Variants in CDK14 observed in about 807,000 individuals in gnomAD.
CDK14 encodes the protein cyclin-dependent kinase 14.
Under a neutral mutation model 60.7 loss-of-function variants are expected in CDK14, and 34 were observed. That is an observed-to-expected ratio of 0.56 (90% CI 0.43 to 0.75). The LOEUF (loss-of-function observed/expected upper bound fraction) is 0.75. Ranked by LOEUF, CDK14 falls within the 30% of genes least tolerant of loss-of-function variation. The pLI is 0.00. For missense variants in CDK14, 482 were observed against 564.1 expected (o/e 0.85, Z 1.47); for synonymous variants, 197 against 203.7 (o/e 0.97, Z 0.28).
chr7:90,834,403 A>T (rs1004631377), intron 5 of CDK14, among the ~76,000 whole-genome samples: 2 of 152,190 alleles, frequency 1.3e-5, no homozygotes, highest in Non-Finnish European at 2.9e-5. Flanking sequence ...TAAGGCTGGA[A>T]GCTGATGTGT....
intron 5 of CDK14, among the ~76,000 whole-genome samples, chr7:90,833,532 A>G (rs1375960763): frequency 6.6e-6 from 1 of 152,208 alleles, no homozygotes; most frequent in African/African-American, 2.4e-5. Context: ...AATGAAAATG[A>G]GAACAAATGG....
At chr7:91,080,666 G>T (rs1798460968) in intron 12 of CDK14, among the ~76,000 whole-genome samples, 1 of 152,134 alleles carries the variant, frequency 6.6e-6, no homozygotes, top group South Asian at 2.1e-4. Context: ...ACAGTATACA[G>T]TTCCTACCTT....
At chr7:90,800,159 T>G (rs906457777) in intron 5 of CDK14, among the ~76,000 whole-genome samples, 2 of 152,152 alleles carry the variant, frequency 1.3e-5, no homozygotes, top group African/African-American at 4.8e-5. Flanking sequence ...TTCTCCACCC[T>G]TCTTTATGTA....
intron 10 of CDK14, among the ~76,000 whole-genome samples, chr7:91,021,054 C>T (rs76875921): frequency 0.042 from 6,379 of 152,264 alleles, 434 homozygotes; most frequent in African/African-American, 0.14. Context: ...TCATACAGCA[C>T]GGCAACTTGC....
chr7:91,033,379 G>C (rs1487561459), intron 10 of CDK14, among the ~76,000 whole-genome samples: 1 of 152,114 alleles, frequency 6.6e-6, no homozygotes, highest in Non-Finnish European at 1.5e-5. Flanking sequence ...TCTTACATAG[G>C]CACTCCAGAT....
At chr7:91,062,451 C>T (rs1234308913) in intron 11 of CDK14, among the ~76,000 whole-genome samples, 1 of 152,020 alleles carries the variant, frequency 6.6e-6, no homozygotes, top group African/African-American at 2.4e-5. Flanking sequence ...AACCTGGTAC[C>T]TCAGTTGGAA....
intron 2 of CDK14, chr7:90,692,521 C>T (rs3937418): frequency 0.4 from 62,490 of 156,162 alleles, 13,074 homozygotes; most frequent in East Asian, 0.67. Flanking sequence ...TACTGTACAC[C>T]GATATCCCTT....
At chr7:90,846,776 A>G (rs1790483384) in intron 5 of CDK14, among the ~76,000 whole-genome samples, 1 of 152,094 alleles carries the variant, frequency 6.6e-6, no homozygotes, top group Non-Finnish European at 1.5e-5. Flanking sequence ...GGAAAGGATG[A>G]AAATCACCTG....
chr7:90,863,361 A>G (rs1392853105), intron 6 of CDK14, 92 bp downstream of exon 6: 1 of 642,758 alleles, frequency 1.6e-6, no homozygotes, highest in Non-Finnish European at 2.7e-6. Flanking sequence ...AGATTGCTGT[A>G]CTGAAGTTAA....
intron 2 of CDK14, among the ~76,000 whole-genome samples, chr7:90,633,282 T>A (rs1800047369): frequency 6.6e-6 from 1 of 152,226 alleles, no homozygotes; most frequent in Non-Finnish European, 1.5e-5. Flanking sequence ...TTATTTATGT[T>A]GACTATTTTC....
At chr7:90,695,398 C>G (rs1300840652) in intron 2 of CDK14, among the ~76,000 whole-genome samples, 2 of 152,088 alleles carry the variant, frequency 1.3e-5, no homozygotes, top group African/African-American at 2.4e-5. Context: ...ACCTTGGTAA[C>G]AATGGGTAAG....
chr7:90,894,533 A>G (rs1412041758), intron 6 of CDK14, among the ~76,000 whole-genome samples: 1 of 152,158 alleles, frequency 6.6e-6, no homozygotes, highest in Non-Finnish European at 1.5e-5. Context: ...GCAATTCTTG[A>G]TGCTAATGTC....
intron 11 of CDK14, among the ~76,000 whole-genome samples, chr7:91,062,295 T>C (rs1797825002): frequency 6.6e-6 from 1 of 152,194 alleles, no homozygotes; most frequent in Non-Finnish European, 1.5e-5. Context: ...AGGTGCTGTC[T>C]GTCACCCCTT....
chr7:90,814,562 C>A (rs1444002077), intron 5 of CDK14, among the ~76,000 whole-genome samples: 1 of 152,010 alleles, frequency 6.6e-6, no homozygotes. Context: ...GCAGGCAGAT[C>A]GCTGAGGTCA....
rs115054418 is a variant in CDK14 at position 91,204,217 on chromosome 7, C to T, written c.*29-2948C>T. Reference sequence around the variant, plus strand: ...AACTTAAGGCTTTTGTTTTTGAGGACAGAGAACTCTCAAGAATAGAAGGTT... The same window carrying T: ...AACTTAAGGCTTTTGTTTTTGAGGATAGAGAACTCTCAAGAATAGAAGGTT... On this transcript the variant is annotated intron_variant, in intron 14 of 14. Coordinates refer to ENST00000380050, the MANE Select transcript of CDK14 (RefSeq NM_001287135.2). 4.1e-3 allele frequency among the ~76,000 whole-genome samples: 631 copies of T among 152,188 alleles called. 2 individuals are homozygous for T. Among genetic ancestry groups the T allele is most frequent in the African/African-American group, 0.014 (601 of 41,536 alleles).
At chr7:90,959,487 T>C (rs984841399) in intron 9 of CDK14, among the ~76,000 whole-genome samples, 5 of 152,138 alleles carry the variant, frequency 3.3e-5, no homozygotes, top group African/African-American at 9.6e-5. Context: ...GGGACTATAA[T>C]TGAGTCATGG....
chr7:91,112,473 T>TA lies in CDK14; in HGVS notation c.1155-67dup. 3 of 1,498,782 alleles carry TA rather than the reference T, an allele frequency of 2.0e-6. No homozygotes were observed. In the African/African-American group the frequency reaches 4.2e-5, roughly 21 times the overall value. The allele number at this position is 1,498,782 out of a possible 1,614,324, so 92.8% of individuals were successfully genotyped here. On this transcript the variant is annotated intron_variant, in intron 12 of 14. Transcript: ENST00000380050. ...TAAATTGAAATCCAGAAAAATTAGGTAAGCTTTATGTCTTATTTAGTGGAT... is the reference window on the plus strand; with the variant it reads ...TAAATTGAAATCCAGAAAAATTAGGTAAAGCTTTATGTCTTATTTAGTGGAT...
At chr7:90,663,364 A>T (rs962002429) in intron 2 of CDK14, among the ~76,000 whole-genome samples, 5 of 152,156 alleles carry the variant, frequency 3.3e-5, no homozygotes, top group African/African-American at 1.2e-4. Context: ...GTAGATACTT[A>T]GTAAGGAACT....
Position 90,782,423 on chromosome 7 carries a change from A to G in CDK14, c.465-8150A>G, listed in dbSNP as rs368839939. Reference sequence around the variant, plus strand: ...TACCCTTTATTTCCTTCTCCTGCCTAATTGCCCTGGCCAGAACTTCCAAAA... The same window carrying G: ...TACCCTTTATTTCCTTCTCCTGCCTGATTGCCCTGGCCAGAACTTCCAAAA... On this transcript the variant is annotated intron_variant, in intron 4 of 14. Transcript: ENST00000380050. Among the ~76,000 whole-genome samples, 248 of 152,172 alleles carry G rather than the reference A, an allele frequency of 1.6e-3. 1 individual carries two copies. The highest frequency in any genetic ancestry group is 6.8e-3 in the Middle Eastern group (2 of 294).
Sources: gnomAD v4.1 joint callset for allele counts (sites outside exome capture counted in the v4.1 genomes callset) on GRCh38, gnomAD v4.1.1 for gene constraint, MANE v1.5 for transcripts, NCBI Gene and HGNC (gene_info 2026-07-23, HGNC 2026-07-21) for gene names.